The following GABRG3 variants were observed in gnomAD, a reference collection of about 807,000 sequenced individuals.
The protein encoded by GABRG3 is gamma-aminobutyric acid receptor subunit gamma-3.
Under a neutral mutation model 48.8 loss-of-function variants are expected in GABRG3, and 25 were observed. The ratio of observed to expected loss-of-function variants is 0.51; its 90% CI spans 0.37 to 0.72. The LOEUF is 0.72. Among genes scored for constraint, GABRG3 ranks in the 30% least tolerant of loss-of-function variants. The pLI is 0.00. For synonymous variants in GABRG3, 227 were observed against 217.6 expected, an observed-to-expected ratio of 1.04 and a Z score of -0.38; for missense variants, 394 against 577.9, an observed-to-expected ratio of 0.68 and a Z score of 3.26.
Position 27,127,391 on chromosome 15 carries a change from A to G in GABRG3, c.270+100570A>G, listed in dbSNP as rs76169812. Among the ~76,000 whole-genome samples, 30 of 143,356 alleles carry G rather than the reference A, an allele frequency of 2.1e-4. No homozygotes were observed. In the East Asian group the frequency reaches 3.7e-3, roughly 18 times the overall value. The allele number at this position is 143,356 out of a possible 152,430, so 94.0% of individuals were successfully genotyped here. A position where few individuals can be genotyped will look rare whatever the true frequency, so the allele number is the denominator to read the frequency against. ...GATTCTACTTTTATGAAATACTTAG[A>G]GTGGTCAAATTCATAGAGACAGAAA... On this transcript the variant is annotated intron_variant, in intron 3 of 9. Coordinates refer to ENST00000615808, the MANE Select transcript of GABRG3 (RefSeq NM_033223.5).
At chr15:27,249,690 T>G (rs546636605) in intron 3 of GABRG3, among the ~76,000 whole-genome samples, 8 of 152,178 alleles carry the variant, frequency 5.3e-5, no homozygotes, top group African/African-American at 1.9e-4. Context: ...TGAGTAAATG[T>G]ATTAAAGAGA....
At chr15:27,250,940 G>C (rs1890434969) in intron 3 of GABRG3, among the ~76,000 whole-genome samples, 1 of 152,170 alleles carries the variant, frequency 6.6e-6, no homozygotes, top group African/African-American at 2.4e-5. Flanking sequence ...GCCTTCAGGA[G>C]GCCCAGGGAG....
At chr15:26,999,661 A>C (rs1328003747) in intron 2 of GABRG3, among the ~76,000 whole-genome samples, 1 of 152,122 alleles carries the variant, frequency 6.6e-6, no homozygotes, top group Non-Finnish European at 1.5e-5. Flanking sequence ...ACTTTTCATT[A>C]AATGTTAAAA....
intron 6 of GABRG3, among the ~76,000 whole-genome samples, chr15:27,508,764 A>G (rs1422267292): frequency 6.6e-6 from 1 of 151,874 alleles, no homozygotes; most frequent in African/African-American, 2.4e-5. Flanking sequence ...CCCAGGCTGG[A>G]GTACAGTGGC....
At chr15:27,267,612 T>A (rs186299202) in intron 3 of GABRG3, among the ~76,000 whole-genome samples, 203 of 152,224 alleles carry the variant, frequency 1.3e-3, no homozygotes, top group African/African-American at 4.1e-3. Flanking sequence ...ATCTTAAGAA[T>A]TTTTTGTAAA....
At chr15:27,029,640 C>T (rs1459891125) in intron 3 of GABRG3, among the ~76,000 whole-genome samples, 3 of 152,188 alleles carry the variant, frequency 2.0e-5, no homozygotes, top group Admixed American at 6.5e-5. Flanking sequence ...GCACATTTGC[C>T]ATCCGACTAG....
At chr15:27,129,122 C>T (rs1421877827) in intron 3 of GABRG3, among the ~76,000 whole-genome samples, 2 of 152,078 alleles carry the variant, frequency 1.3e-5, no homozygotes, top group Non-Finnish European at 2.9e-5. Context: ...TAAGAACATT[C>T]AGATTGTTGT....
At chr15:27,280,349 T>TC (rs1364902193) in intron 3 of GABRG3, 1 of 152,176 alleles carries the variant, frequency 6.6e-6, no homozygotes, top group Non-Finnish European at 1.5e-5. Context: ...CCAGGCAGTC[T>TC]CCTATTCAAG....
intron 3 of GABRG3, among the ~76,000 whole-genome samples, chr15:27,196,982 A>G (rs1888516854): frequency 6.6e-6 from 1 of 152,212 alleles, no homozygotes; most frequent in Admixed American, 6.5e-5. Context: ...ATAGCCCAAG[A>G]GCACACAGCT....
At chr15:27,443,465 C>T (rs1335479066) in intron 5 of GABRG3, among the ~76,000 whole-genome samples, 1 of 152,166 alleles carries the variant, frequency 6.6e-6, no homozygotes, top group East Asian at 1.9e-4. Context: ...TGGTATTGCA[C>T]TTTAAAATTC....
intron 3 of GABRG3, among the ~76,000 whole-genome samples, chr15:27,113,037 G>A (rs1369186497): frequency 6.6e-6 from 1 of 152,030 alleles, no homozygotes; most frequent in Non-Finnish European, 1.5e-5. Context: ...GATGACTTCT[G>A]GAGGGAATCA....
chr15:27,420,000 T>A (rs751111577), intron 5 of GABRG3, among the ~76,000 whole-genome samples: 1 of 152,236 alleles, frequency 6.6e-6, no homozygotes, highest in Non-Finnish European at 1.5e-5. Flanking sequence ...ACTTAAACAC[T>A]GGGGTGTTAC....
chr15:27,076,358 C>A (rs1181469231), intron 3 of GABRG3, among the ~76,000 whole-genome samples: 1 of 133,224 alleles, frequency 7.5e-6, no homozygotes, highest in South Asian at 2.5e-4. Flanking sequence ...GAGTCTCACT[C>A]TGTTGCCCAG....
At chr15:27,057,896 C>T (rs1325885418) in intron 3 of GABRG3, among the ~76,000 whole-genome samples, 1 of 152,098 alleles carries the variant, frequency 6.6e-6, no homozygotes, top group South Asian at 2.1e-4. Context: ...CATGACAGTC[C>T]GCTCCCATTG....
intron 3 of GABRG3, among the ~76,000 whole-genome samples, chr15:27,074,824 G>A (rs1279561843): frequency 6.6e-6 from 1 of 152,140 alleles, no homozygotes; most frequent in East Asian, 1.9e-4. Flanking sequence ...CAGGTGGAAA[G>A]CGAATCGAAG....
chr15:27,144,729 C>A (rs1898167203), intron 3 of GABRG3, among the ~76,000 whole-genome samples: 1 of 152,318 alleles, frequency 6.6e-6, no homozygotes, highest in South Asian at 2.1e-4. Flanking sequence ...TAAGAAGGCC[C>A]TGTGCTCTCA....
At chr15:27,509,574 C>T (rs1890848365) in intron 6 of GABRG3, among the ~76,000 whole-genome samples, 1 of 152,152 alleles carries the variant, frequency 6.6e-6, no homozygotes. Context: ...AATTTCTACT[C>T]ACCTATAGTA....
intron 5 of GABRG3, among the ~76,000 whole-genome samples, chr15:27,471,232 C>T (rs1889779494): frequency 6.6e-6 from 1 of 152,158 alleles, no homozygotes; most frequent in Admixed American, 6.6e-5. Context: ...GCTGAGTTTG[C>T]TTCTAGGTGT....
At chr15:27,432,299 T>C (rs1357157643) in intron 5 of GABRG3, among the ~76,000 whole-genome samples, 1 of 152,236 alleles carries the variant, frequency 6.6e-6, no homozygotes, top group Non-Finnish European at 1.5e-5. Flanking sequence ...AAATCACTTA[T>C]CTGTATATTA....
Sources: allele counts gnomAD v4.1 joint callset (sites outside exome capture counted in the v4.1 genomes callset), GRCh38; gene constraint gnomAD v4.1.1; transcripts MANE v1.5; gene names NCBI Gene and HGNC (gene_info 2026-07-23, HGNC 2026-07-21).